KCNA6: variants seen among roughly 807,000 people sequenced by gnomAD.
KCNA6 encodes the protein potassium voltage-gated channel subfamily A member 6, also known as human brain potassium channel-2.
In KCNA6, 17 loss-of-function variants were observed where a neutral mutation model predicts 29.5. The observed-to-expected ratio is 0.58, with a 90% CI of 0.39 to 0.86. KCNA6 has a LOEUF of 0.86. KCNA6 is among the 40% of genes least tolerant of loss of function. KCNA6 has a pLI of 0.00. For missense variants in KCNA6, 450 were observed against 703.4 expected (o/e 0.64, Z 4.07); for synonymous variants, 296 against 304.7 (o/e 0.97, Z 0.30).
the KCNA6 span, among the ~76,000 whole-genome samples, chr12:4,826,666 A>G: frequency 1.3e-5 from 2 of 152,226 alleles, no homozygotes; most frequent in Non-Finnish European, 2.9e-5. Context: ...ATTGGATTCA[A>G]CGACTGGGTT....
chr12:4,828,774 C>T, the KCNA6 span, among the ~76,000 whole-genome samples: 5 of 152,234 alleles, frequency 3.3e-5, no homozygotes, highest in Admixed American at 6.5e-5. Context: ...AGTCTGGCTC[C>T]AGAGTCGTGC....
the KCNA6 span, among the ~76,000 whole-genome samples, chr12:4,823,702 G>A: frequency 6.6e-6 from 1 of 152,224 alleles, no homozygotes; most frequent in Non-Finnish European, 1.5e-5. Context: ...GGGAGGTGGA[G>A]GTTGCAGTGA....
chr12:4,824,130 G>A, the KCNA6 span, among the ~76,000 whole-genome samples: 1 of 152,294 alleles, frequency 6.6e-6, no homozygotes, highest in East Asian at 1.9e-4. Flanking sequence ...CCCTCATGGT[G>A]GCCAGTGAAT....
At chr12:4,823,504 T>G in the KCNA6 span, among the ~76,000 whole-genome samples, 1 of 152,154 alleles carries the variant, frequency 6.6e-6, no homozygotes, top group South Asian at 2.1e-4. Context: ...CAGTGGCTCA[T>G]GCCTGTAATC....
At chr12:4,827,267 C>T in the KCNA6 span, among the ~76,000 whole-genome samples, 1 of 149,540 alleles carries the variant, frequency 6.7e-6, no homozygotes, top group East Asian at 2.0e-4. Context: ...TTTCTCTCGC[C>T]CTTCCCTCCT....
At chr12:4,850,256 A>G in the KCNA6 span, among the ~76,000 whole-genome samples, 6 of 151,698 alleles carry the variant, frequency 4.0e-5, no homozygotes, top group Admixed American at 2.0e-4. This position sits in a 1 kb window ranked among gnomAD's most constrained non-coding sequence, Gnocchi z 5.4. Flanking sequence ...TCTTTCAGGG[A>G]GAGAGGAACG....
At chr12:4,840,912 G>A in the KCNA6 span, among the ~76,000 whole-genome samples, 13 of 152,314 alleles carry the variant, frequency 8.5e-5, no homozygotes, top group Admixed American at 2.0e-4. Context: ...AGGACTCCCC[G>A]TGTTGATTGC....
the KCNA6 span, among the ~76,000 whole-genome samples, chr12:4,822,594 A>G: frequency 6.6e-6 from 1 of 152,126 alleles, no homozygotes; most frequent in African/African-American, 2.4e-5. Context: ...GTAATTCAGA[A>G]CTCCCAACCA....
chr12:4,816,800 G>T (rs1158266602), downstream of KCNA6, among the ~76,000 whole-genome samples: 1 of 152,112 alleles, frequency 6.6e-6, no homozygotes, highest in Non-Finnish European at 1.5e-5. Context: ...AAAAGAAGTG[G>T]ACGGTAACGG....
chr12:4,810,691 T>C lies in KCNA6; in HGVS notation c.650T>C (p.Val217Ala). The stretch of plus-strand genomic sequence containing the variant: ...GGTGGTGTGAGTCGAGTCTCCCCAG[T>C]TTCCAGGGGGAGTCAGGAGGAAGAG... The change falls in exon 1 of 1, where the codon GTT (valine) becomes GCT (alanine). Residue 217 changes from valine (V) to alanine (A), a missense_variant. Val to Ala is a moderately conservative substitution (Grantham distance 64, BLOSUM62 0). Around this residue, in one of 7 missense-constraint regions of KCNA6, gnomAD observed 74 missense variants for 71.5 expected, o/e 1.03. Coordinates refer to ENST00000280684, the Ensembl canonical transcript of KCNA6. This position sits in a 1 kb window ranked among gnomAD's most constrained non-coding sequence, Gnocchi z 7.5. The C allele has an allele frequency of 6.2e-7, 1 of 1,614,058 alleles. No homozygotes were observed. The highest frequency in any genetic ancestry group is 8.5e-7 in the Non-Finnish European group (1 of 1,179,960).
At chr12:4,835,055 A>C in the KCNA6 span, among the ~76,000 whole-genome samples, 1 of 152,002 alleles carries the variant, frequency 6.6e-6, no homozygotes. Flanking sequence ...CTGGGAATTT[A>C]GCATTCTTGG....
exon 1 of KCNA6, chr12:4,809,813 A>G: frequency 2.1e-6 from 1 of 470,144 alleles, no homozygotes; most frequent in South Asian, 5.7e-5. Context: ...GGGTAACGGG[A>G]AGCGCAGAAC....
chr12:4,814,793 A>G (rs1324445478), downstream of KCNA6: 1 of 167,050 alleles, frequency 6.0e-6, no homozygotes, highest in Non-Finnish European at 1.5e-5. This position sits in a 1 kb window ranked among gnomAD's most constrained non-coding sequence, Gnocchi z 4.6. Flanking sequence ...GGTAGGTTCT[A>G]CTGGAGGGGA....
the KCNA6 span, among the ~76,000 whole-genome samples, chr12:4,840,383 A>C: frequency 6.6e-6 from 1 of 152,316 alleles, no homozygotes; most frequent in Admixed American, 6.5e-5. Context: ...CACATGAAAA[A>C]AGCTCAATAT....
At chr12:4,843,127 A>G in the KCNA6 span, among the ~76,000 whole-genome samples, 15 of 152,320 alleles carry the variant, frequency 9.8e-5, no homozygotes, top group African/African-American at 3.6e-4. Context: ...TTGTCATTGG[A>G]ATGAAATATG....
downstream of KCNA6, among the ~76,000 whole-genome samples, chr12:4,817,678 T>C (rs1394033294): frequency 1.3e-5 from 2 of 152,184 alleles, no homozygotes; most frequent in Admixed American, 1.3e-4. Flanking sequence ...ACAGGAAGTA[T>C]CATTCGCACT....
At chr12:4,833,931 A>ATTT in the KCNA6 span, among the ~76,000 whole-genome samples, 23,154 of 141,626 alleles carry the variant, frequency 0.16, 2,247 homozygotes, top group South Asian at 0.23. Flanking sequence ...TTTAAATTAA[A>ATTT]TTTTTTTTTT....
the KCNA6 span, among the ~76,000 whole-genome samples, chr12:4,830,766 C>T: frequency 0.52 from 78,578 of 151,900 alleles, 20,875 homozygotes; most frequent in African/African-American, 0.6. Flanking sequence ...GCTGCTTGGG[C>T]GGAGTGGGAG....
At chr12:4,841,562 A>AGATC in the KCNA6 span, among the ~76,000 whole-genome samples, 2 of 152,234 alleles carry the variant, frequency 1.3e-5, no homozygotes. Context: ...ACGTATTTAA[A>AGATC]GATCATGTGT....
Sources: allele counts gnomAD v4.1 joint callset (sites outside exome capture counted in the v4.1 genomes callset), GRCh38; gene constraint gnomAD v4.1.1; regional missense constraint gnomAD v4.1.1; non-coding constraint Gnocchi (gnomAD v3.1); transcripts MANE v1.5; gene names NCBI Gene and HGNC (gene_info 2026-07-23, HGNC 2026-07-21).